The following BFSP2 variants were observed in gnomAD, a reference collection of about 807,000 sequenced individuals.
BFSP2 encodes beaded filament structural protein 2, also known as phakinin.
In BFSP2, 38 loss-of-function variants were observed where a neutral mutation model predicts 44.9. The observed-to-expected ratio is 0.85, with a 90% CI of 0.65 to 1.11. The LOEUF (loss-of-function observed/expected upper bound fraction) is 1.11. Ranked by LOEUF, BFSP2 falls within the 50% of genes least tolerant of loss-of-function variation. BFSP2 has a pLI of 0.00. For missense variants in BFSP2, 525 were observed against 533.0 expected (o/e 0.99, Z 0.15); for synonymous variants, 197 against 209.9 (o/e 0.94, Z 0.53).
intron 4 of BFSP2, among the ~76,000 whole-genome samples, chr3:133,451,543 G>A (rs965921206): frequency 6.6e-6 from 1 of 152,204 alleles, no homozygotes; most frequent in East Asian, 1.9e-4. Context: ...AAAAATAAGC[G>A]GTGAGATGGA....
intron 1 of BFSP2, among the ~76,000 whole-genome samples, chr3:133,402,021 CA>C (rs1321636934): frequency 6.6e-6 from 1 of 152,154 alleles, no homozygotes; most frequent in Admixed American, 6.5e-5. Flanking sequence ...TAGAACAGTC[CA>C]GGGCCTTAAC....
chr3:133,472,388 A>G lies in BFSP2; in HGVS notation c.1067A>G (p.His356Arg), dbSNP rs1319090065. ...ACCTTGCACGATGCCAAGCACTGGC[A>G]TGACATGGAGCTCCAGAACCTGGGC... The part of the protein sequence containing the change: ...ENTLHDAKHW[H>R]DMELQNLGAV... The change falls in exon 6 of 7, where the codon CAT (histidine) becomes CGT (arginine). Residue 356 changes from histidine to arginine, a missense_variant. Physicochemically the swap from His to Arg is conservative, Grantham distance 29. Coordinates refer to ENST00000302334, the MANE Select transcript of BFSP2 (RefSeq NM_003571.4). 1.9e-6 allele frequency: 3 copies of G among 1,613,902 alleles called. No homozygotes were observed. Among genetic ancestry groups the G allele is most frequent in the Non-Finnish European group, 2.5e-6 (3 of 1,180,004 alleles).
intron 1 of BFSP2, among the ~76,000 whole-genome samples, chr3:133,417,443 ATCCTC>A (rs1306475952): frequency 1.8e-4 from 5 of 27,834 alleles, no homozygotes; most frequent in African/African-American, 7.8e-4. Flanking sequence ...ACTCACCCTC[ATCCTC>A]TCCTCTCTAC....
chr3:133,431,171 A>G (rs1449115423), intron 1 of BFSP2, among the ~76,000 whole-genome samples: 2 of 152,062 alleles, frequency 1.3e-5, no homozygotes, highest in African/African-American at 2.4e-5. Context: ...TTATTACCCA[A>G]TCTGCTCCTG....
intron 1 of BFSP2, among the ~76,000 whole-genome samples, chr3:133,408,313 C>T (rs1262687499): frequency 6.6e-6 from 1 of 152,074 alleles, no homozygotes; most frequent in Non-Finnish European, 1.5e-5. Flanking sequence ...CCTGAGATAC[C>T]ACTTTTACCT....
Position 133,450,381 on chromosome 3 carries a change from G to C in BFSP2, c.808G>C (p.Asp270His). ...TGCTCCCATTGGCACTGGTCTGGAC[G>C]ACATCCTTGAGACGATCAGAATTCA... ...MDAPIGTGLDDILETIRIQWE... is the reference protein window; with the variant it reads ...MDAPIGTGLDHILETIRIQWE... Residue 270 changes from aspartate (D) to histidine (H), a missense_variant, in exon 4 of 7, where the codon GAC becomes CAC. Transcript: ENST00000302334. The C allele has an allele frequency of 6.2e-7, 1 of 1,614,196 alleles. No individual in the cohort carries two copies. The highest frequency in any genetic ancestry group is 8.5e-7 in the Non-Finnish European group (1 of 1,180,030).
intron 4 of BFSP2, among the ~76,000 whole-genome samples, chr3:133,453,734 G>C (rs1223557637): frequency 1.3e-5 from 2 of 152,162 alleles, no homozygotes; most frequent in African/African-American, 2.4e-5. Flanking sequence ...AATCTGGCAG[G>C]GGGAACAGGA....
At chr3:133,453,757 G>T (rs1336054932) in intron 4 of BFSP2, among the ~76,000 whole-genome samples, 2 of 152,182 alleles carry the variant, frequency 1.3e-5, no homozygotes, top group African/African-American at 4.8e-5. Flanking sequence ...GCACTAAACT[G>T]CGAAAGCCTA....
intron 1 of BFSP2, among the ~76,000 whole-genome samples, chr3:133,433,181 T>A (rs573352527): frequency 1.3e-5 from 2 of 152,256 alleles, no homozygotes; most frequent in African/African-American, 4.8e-5. Flanking sequence ...CCCCCATGAC[T>A]GTATCTCTCT....
At chr3:133,430,953 T>C (rs752823134) in intron 1 of BFSP2, among the ~76,000 whole-genome samples, 46 of 152,184 alleles carry the variant, frequency 3.0e-4, no homozygotes, top group Admixed American at 2.6e-3. Flanking sequence ...TGCCCAGCAA[T>C]TTACTCTTAA....
At chr3:133,406,044 G>A (rs779492034) in intron 1 of BFSP2, among the ~76,000 whole-genome samples, 3 of 152,046 alleles carry the variant, frequency 2.0e-5, no homozygotes, top group Non-Finnish European at 2.9e-5. Flanking sequence ...TCCGCCTCCC[G>A]GGTTTAAGCG....
At chr3:133,448,961 G>GT in intron 3 of BFSP2, 1 of 345,036 alleles carries the variant, frequency 2.9e-6, no homozygotes, top group Non-Finnish European at 5.5e-6. Context: ...TTCTATGTCA[G>GT]GTTTTTTTTT....
chr3:133,400,320 C>T lies in BFSP2; in HGVS notation c.237C>T (p.Gly79=). 1.2e-6 allele frequency: 2 copies of T among 1,614,004 alleles called. No homozygotes were observed. Among genetic ancestry groups the T allele is most frequent in the Non-Finnish European group, 8.5e-7 (1 of 1,180,036 alleles). Residue 79 remains glycine, a synonymous_variant, in exon 1 of 7, where the codon GGC becomes GGT. Coordinates refer to ENST00000302334, the MANE Select transcript of BFSP2 (RefSeq NM_003571.4). This position sits in a 1 kb window ranked among gnomAD's most constrained non-coding sequence, Gnocchi z 4.0. ...CCCGTGTGACCCGCCGGGCCCTCGG[C>T]ATCAGCAGTGTCTTCCTTCAGGGCC... ...LGARVTRRAL[G]ISSVFLQGLR...
chr3:133,401,263 T>A (rs138196830), intron 1 of BFSP2, among the ~76,000 whole-genome samples: 109 of 152,344 alleles, frequency 7.2e-4, no homozygotes, highest in Non-Finnish European at 1.2e-3. Flanking sequence ...TAATTTACAT[T>A]CAAGTAGAGC....
chr3:133,448,899 G>A (rs2073929749), intron 3 of BFSP2: 2 of 498,350 alleles, frequency 4.0e-6, no homozygotes, highest in East Asian at 7.2e-5. Flanking sequence ...CTTGGCACTA[G>A]CAAATGAGGG....
At chr3:133,470,680 T>G (rs762272262) in intron 5 of BFSP2, among the ~76,000 whole-genome samples, 8 of 152,164 alleles carry the variant, frequency 5.3e-5, no homozygotes, top group Non-Finnish European at 1.0e-4. Flanking sequence ...TCCAGGGCAA[T>G]CTACACATAC....
intron 1 of BFSP2, among the ~76,000 whole-genome samples, chr3:133,437,188 T>G (rs550422167): frequency 1.3e-5 from 2 of 152,288 alleles, no homozygotes; most frequent in African/African-American, 4.8e-5. Context: ...CACACTGTCT[T>G]CCACAATGGT....
intron 1 of BFSP2, among the ~76,000 whole-genome samples, chr3:133,415,703 C>A (rs1460887702): frequency 7.0e-6 from 1 of 143,322 alleles, no homozygotes. Flanking sequence ...TCTACTCACC[C>A]CTGTCCTCTC....
intron 1 of BFSP2, among the ~76,000 whole-genome samples, chr3:133,433,343 C>T (rs1304940081): frequency 6.6e-6 from 1 of 152,170 alleles, no homozygotes; most frequent in Non-Finnish European, 1.5e-5. Context: ...CACTAGCCTG[C>T]CTCTTAAGAA....
Sources: gnomAD v4.1 joint callset for allele counts (sites outside exome capture counted in the v4.1 genomes callset) on GRCh38, gnomAD v4.1.1 for gene constraint, Gnocchi (gnomAD v3.1) non-coding constraint, MANE v1.5 for transcripts, NCBI Gene and HGNC (gene_info 2026-07-23, HGNC 2026-07-21) for gene names.